MARCHF7: variants seen among roughly 807,000 people sequenced by gnomAD.
MARCHF7 encodes E3 ubiquitin-protein ligase MARCHF7.
MARCHF7 carries 20 observed loss-of-function variants against 76.5 expected under a neutral mutation model. The ratio of observed to expected loss-of-function variants is 0.26; its 90% CI spans 0.18 to 0.38. The LOEUF (loss-of-function observed/expected upper bound fraction) is 0.38, where lower values mean the gene tolerates loss of function less well. Ranked by LOEUF, MARCHF7 falls within the 10% of genes least tolerant of loss-of-function variation. The probability of loss-of-function intolerance (pLI) is 1.00; values close to 1 mark genes in which losing one functional copy is unlikely to be tolerated. For synonymous variants in MARCHF7, 295 were observed against 293.0 expected (o/e 1.01, Z -0.07); for missense variants, 797 against 812.9 (o/e 0.98, Z 0.24).
At chr2:159,728,935 T>C (rs1411857572) in intron 3 of MARCHF7, 74 bp from the exon 4 acceptor site, 1 of 830,620 alleles carries the variant, frequency 1.2e-6, no homozygotes, top group African/African-American at 1.8e-5. Flanking sequence ...TTTGAGCTGA[T>C]GATTAAGGAG....
At chr2:159,732,740 C>T in intron 4 of MARCHF7, 12 of 596,648 alleles carry the variant, frequency 2.0e-5, no homozygotes, top group Non-Finnish European at 2.5e-5. Flanking sequence ...CTGTGTTGCC[C>T]AGGCTGGATT....
rs766576235 is a variant in MARCHF7, at chr2:159,748,793, G to C, written c.1503G>C (p.Met501Ile). Residue 501 changes from methionine to isoleucine, a missense_variant, in exon 7 of 12, where the codon ATG becomes ATC. Transcript: ENST00000409175. ...ALGSNLTDNVMITVDIIPSGW... is the reference protein window; with the variant it reads ...ALGSNLTDNVIITVDIIPSGW... The stretch of plus-strand genomic sequence containing the variant: ...GGAGTAATTTGACCGACAATGTCAT[G>C]ATCACAGTAGATATTATTCCTTCAG... 1.2e-6 allele frequency: 2 copies of C among 1,613,978 alleles called. No homozygotes were observed. The highest frequency in any genetic ancestry group is 2.7e-5 in the African/African-American group (2 of 74,888).
At chr2:159,718,115 C>G (rs1701244006) in intron 3 of MARCHF7, among the ~76,000 whole-genome samples, 1 of 152,118 alleles carries the variant, frequency 6.6e-6, no homozygotes, top group South Asian at 2.1e-4. Context: ...GAAGTTGATA[C>G]TATCATTATC....
intron 7 of MARCHF7, 81 bp from the exon 8 acceptor site, chr2:159,752,316 AAAAAG>A: frequency 2.3e-6 from 3 of 1,299,890 alleles, no homozygotes; most frequent in Non-Finnish European, 3.0e-6. Flanking sequence ...AGAAATAACA[AAAAAG>A]AAAGCTTGTG....
At chr2:159,722,750 A>G (rs1212015659) in intron 3 of MARCHF7, among the ~76,000 whole-genome samples, 1 of 152,196 alleles carries the variant, frequency 6.6e-6, no homozygotes, top group Non-Finnish European at 1.5e-5. Flanking sequence ...TACGCAACCA[A>G]ATTACATAAG....
chr2:159,768,141 C>A lies in MARCHF7; in HGVS notation c.*799C>A, dbSNP rs964624775. 1.3e-5 allele frequency: 2 copies of A among 152,552 alleles called. No homozygotes were observed. The highest frequency in any genetic ancestry group is 2.9e-5 in the Non-Finnish European group (2 of 67,950). The allele number at this position is 152,552 out of a possible 1,614,324, so 9.4% of individuals were successfully genotyped here. On this transcript the variant is annotated 3_prime_UTR_variant, in exon 12 of 12. Coordinates refer to ENST00000409175, the MANE Select transcript of MARCHF7 (RefSeq NM_001282805.2). ...TCAAGTTAATGGAATATTTTTAAATCCCACATTCAGAGTTTAAAACACTGG... is the reference window on the plus strand; with the variant it reads ...TCAAGTTAATGGAATATTTTTAAATACCACATTCAGAGTTTAAAACACTGG...
At chr2:159,743,780 G>A (rs1320516994) in intron 5 of MARCHF7, among the ~76,000 whole-genome samples, 2 of 150,984 alleles carry the variant, frequency 1.3e-5, no homozygotes, top group Admixed American at 1.3e-4. Flanking sequence ...GGTGGTGCAT[G>A]CCTGTAGTCC....
chr2:159,764,241 T>TGTGTGC lies in MARCHF7; in HGVS notation c.2008-380_2008-379insCGTGTG, dbSNP rs1553788010. ...GTGTGTGTGTGTGTGTGTGTGTGTG[T>TGTGTGC]GTGTGTGTGTGTGTGCGCGCGCCCA... On this transcript the variant is annotated intron_variant, in intron 10 of 11. Transcript: ENST00000409175. 3.0e-4 allele frequency among the ~76,000 whole-genome samples: 45 copies of TGTGTGC among 148,316 alleles called. No individual in the cohort carries two copies. The East Asian group carries it at 6.4e-3, about 21-fold the overall frequency.
chr2:159,717,176 T>A (rs945503667), intron 3 of MARCHF7, among the ~76,000 whole-genome samples: 1 of 145,656 alleles, frequency 6.9e-6, no homozygotes, highest in African/African-American at 2.4e-5. Flanking sequence ...ACCTTGAAAA[T>A]CTTACAGTGT....
chr2:159,724,645 GCTGT>G (rs1338830855), intron 3 of MARCHF7, among the ~76,000 whole-genome samples: 3 of 152,034 alleles, frequency 2.0e-5, no homozygotes, highest in African/African-American at 7.2e-5. Context: ...TCTTTATAAT[GCTGT>G]CTTTGTATTC....
At chr2:159,748,979 T>G (rs1052178645) in intron 7 of MARCHF7, 76 bp downstream of exon 7, 1 of 843,742 alleles carries the variant, frequency 1.2e-6, no homozygotes, top group Non-Finnish European at 1.5e-6. Context: ...TTTTCTTTTC[T>G]TTTTTTTTTT....
intron 7 of MARCHF7, among the ~76,000 whole-genome samples, chr2:159,750,523 CAAAAT>C (rs376067917): frequency 4.5e-4 from 68 of 151,520 alleles, no homozygotes; most frequent in South Asian, 1.1e-3. Flanking sequence ...GACTCTGTCT[CAAAAT>C]AAAATAAAAT....
At chr2:159,723,655 TC>T (rs781438806) in intron 3 of MARCHF7, among the ~76,000 whole-genome samples, 7 of 152,196 alleles carry the variant, frequency 4.6e-5, no homozygotes, top group Non-Finnish European at 8.8e-5. Flanking sequence ...ACTGCCCACT[TC>T]CATCTCACAA....
chr2:159,766,686 CAG>C (rs1435764705), intron 11 of MARCHF7, among the ~76,000 whole-genome samples: 19 of 152,204 alleles, frequency 1.2e-4, no homozygotes, highest in South Asian at 2.1e-4. Context: ...AGTGTGGAGA[CAG>C]GGGAATAATC....
In MARCHF7 at chr2:159,764,623, T is replaced by C; in HGVS notation, c.2008-3T>C. ...ACTGTATTTCTTTCTGCATTGTTTC[T>C]AGTTTATTAACCTTGCAAGAACTCT... On this transcript the variant is annotated splice_region_variant and splice_polypyrimidine_tract_variant and intron_variant, in intron 10 of 11. Coordinates refer to ENST00000409175, the MANE Select transcript of MARCHF7 (RefSeq NM_001282805.2). The C allele has an allele frequency of 6.3e-7, 1 of 1,594,392 alleles. No individual in the cohort carries two copies. Among genetic ancestry groups the C allele is most frequent in the Non-Finnish European group, 8.5e-7 (1 of 1,170,296 alleles).
At chr2:159,731,068 T>G (rs1702730201) in intron 4 of MARCHF7, among the ~76,000 whole-genome samples, 2 of 151,976 alleles carry the variant, frequency 1.3e-5, no homozygotes, top group South Asian at 2.1e-4. Flanking sequence ...AATTTTTGTG[T>G]TTTTTTGAAG....
At chr2:159,754,526 C>T (rs1706050734) in intron 8 of MARCHF7, among the ~76,000 whole-genome samples, 1 of 151,810 alleles carries the variant, frequency 6.6e-6, no homozygotes, top group South Asian at 2.1e-4. Flanking sequence ...AAATTTACTA[C>T]CAAGGAGACT....
At chr2:159,725,302 A>G (rs553871473) in intron 3 of MARCHF7, among the ~76,000 whole-genome samples, 17 of 152,268 alleles carry the variant, frequency 1.1e-4, no homozygotes, top group African/African-American at 3.8e-4. Context: ...CCCACCAACA[A>G]TGTAAAAGTG....
intron 3 of MARCHF7, among the ~76,000 whole-genome samples, chr2:159,717,999 T>C (rs1701229416): frequency 6.6e-6 from 1 of 152,234 alleles, no homozygotes; most frequent in African/African-American, 2.4e-5. Flanking sequence ...ACAAAATTTC[T>C]ACTGAGCTGT....
Sources: allele counts gnomAD v4.1 joint callset (sites outside exome capture counted in the v4.1 genomes callset), GRCh38; gene constraint gnomAD v4.1.1; transcripts MANE v1.5; gene names NCBI Gene and HGNC (gene_info 2026-07-23, HGNC 2026-07-21).